The following KIAA0319L variants were observed in gnomAD, a reference collection of about 807,000 sequenced individuals.
The protein encoded by KIAA0319L is KIAA0319 like.
A neutral mutation model predicts 120.1 loss-of-function variants in KIAA0319L; 55 were observed. The ratio of observed to expected loss-of-function variants is 0.46; its 90% confidence interval spans 0.37 to 0.57. The LOEUF is 0.57. KIAA0319L is among the 20% of genes least tolerant of loss of function. The pLI, the probability that KIAA0319L is intolerant of heterozygous loss-of-function variation, is 0.00. For missense variants in KIAA0319L, 1,049 were observed against 1,255.3 expected (o/e 0.84, Z 2.48); for synonymous variants, 398 against 471.9 (o/e 0.84, Z 2.03).
chr1:35,441,496 G>A (rs932366167), intron 19 of KIAA0319L, among the ~76,000 whole-genome samples: 7 of 152,030 alleles, frequency 4.6e-5, no homozygotes, highest in African/African-American at 1.7e-4. Flanking sequence ...TCTTAGACTG[G>A]TGGGAATTTT....
At chr1:35,463,261 C>T (rs1254583956) in intron 7 of KIAA0319L, among the ~76,000 whole-genome samples, 4 of 152,212 alleles carry the variant, frequency 2.6e-5, no homozygotes, top group South Asian at 2.1e-4. Flanking sequence ...ATAAAAGCCT[C>T]TTCCAAATCT....
intron 7 of KIAA0319L, among the ~76,000 whole-genome samples, chr1:35,464,963 G>A (rs911032485): frequency 6.6e-6 from 1 of 152,204 alleles, no homozygotes; most frequent in Non-Finnish European, 1.5e-5. Flanking sequence ...TTGAGGTTTG[G>A]GAACTTCCGC....
chr1:35,455,974 T>A, intron 10 of KIAA0319L, 39 bp downstream of exon 10: 3 of 1,496,120 alleles, frequency 2.0e-6, no homozygotes, highest in Non-Finnish European at 2.8e-6. Context: ...CAGCTCTACT[T>A]CTCTTGGGCA....
intron 9 of KIAA0319L, among the ~76,000 whole-genome samples, chr1:35,458,071 G>A (rs1642614023): frequency 6.6e-6 from 1 of 152,046 alleles, no homozygotes; most frequent in Admixed American, 6.5e-5. Context: ...GAGTAGCTGG[G>A]ACTACAGCTA....
intron 3 of KIAA0319L, among the ~76,000 whole-genome samples, chr1:35,503,148 C>G (rs1645070646): frequency 6.6e-6 from 1 of 152,198 alleles, no homozygotes; most frequent in Admixed American, 6.5e-5. Context: ...CCATCTACCT[C>G]TACCTCTGTT....
chr1:35,541,119 T>C (rs1646770661), intron 2 of KIAA0319L, among the ~76,000 whole-genome samples: 1 of 151,908 alleles, frequency 6.6e-6, no homozygotes, highest in Non-Finnish European at 1.5e-5. Context: ...CTTTTTATTA[T>C]TTTTTTGTTA....
chr1:35,462,710 G>A lies in KIAA0319L; in HGVS notation c.1205C>T (p.Pro402Leu). The A allele has an allele frequency of 6.2e-7, 1 of 1,613,466 alleles. No individual in the cohort carries two copies. The highest frequency in any genetic ancestry group is 8.5e-7 in the Non-Finnish European group (1 of 1,179,428). ...GYVNVTVKPE[P>L]RKNRPPIAIV... The stretch of plus-strand genomic sequence containing the variant: ...AGCAATGGGGGGCCGATTCTTACGG[G>A]GCTCTGCAAGAAAGTGACCCAAAAG... Residue 402 changes from proline to leucine, a missense_variant, in exon 8 of 21, where the codon CCC becomes CTC. Physicochemically the swap from Pro to Leu is moderately conservative, Grantham distance 98. Coordinates refer to ENST00000325722, the MANE Select transcript of KIAA0319L (RefSeq NM_024874.5).
At chr1:35,489,656 TTTTG>T (rs1644517910) in intron 3 of KIAA0319L, among the ~76,000 whole-genome samples, 1 of 151,436 alleles carries the variant, frequency 6.6e-6, no homozygotes, top group Non-Finnish European at 1.5e-5. Flanking sequence ...GTATTCTTTG[TTTTG>T]TTTCTTTGGG....
chr1:35,546,266 T>C (rs1049479477), intron 2 of KIAA0319L, among the ~76,000 whole-genome samples: 4 of 152,096 alleles, frequency 2.6e-5, no homozygotes, highest in African/African-American at 9.7e-5. Flanking sequence ...GTGCTGTGCA[T>C]TGGCTAAGAG....
chr1:35,468,496 C>G (rs1206463531), intron 6 of KIAA0319L, among the ~76,000 whole-genome samples: 1 of 152,204 alleles, frequency 6.6e-6, no homozygotes, highest in Non-Finnish European at 1.5e-5. Context: ...CAGCTACTAA[C>G]AGGACAACTC....
chr1:35,544,216 A>C (rs1056177435), intron 2 of KIAA0319L, among the ~76,000 whole-genome samples: 9 of 152,150 alleles, frequency 5.9e-5, no homozygotes, highest in South Asian at 4.1e-4. Flanking sequence ...AAAAATACAA[A>C]AAATTAGGCG....
At position 35,450,589 on chromosome 1, in the gene KIAA0319L, T is replaced by G. The variant is rs150236458; in HGVS notation, c.2063-80A>C. ...TTCTTCATGATGCTTATGGGGAAAT[T>G]AAAACATCAAGAGTACCTTAACTGG... On this transcript the variant is annotated intron_variant, in intron 13 of 20. Transcript: ENST00000325722. 7.9e-5 allele frequency: 108 copies of G among 1,374,126 alleles called. 2 individuals are homozygous for G. The African/African-American group carries it at 1.5e-3, about 19-fold the overall frequency. The allele number at this position is 1,374,126 out of a possible 1,614,324, so 85.1% of individuals were successfully genotyped here.
At chr1:35,461,241 C>T (rs1272761802) in intron 8 of KIAA0319L, among the ~76,000 whole-genome samples, 2 of 151,996 alleles carry the variant, frequency 1.3e-5, no homozygotes, top group African/African-American at 4.8e-5. Context: ...CTGAGGTGGG[C>T]GGATCCCCTG....
Position 35,448,351 on chromosome 1 carries a change from A to G in KIAA0319L, c.2354-19T>C, listed in dbSNP as rs1243879174. Reference sequence around the variant, plus strand: ...CTGGGATCTGGAAAGCATGTGGATCAGTCATGGCTTTAGAAGTAGGAGAGT... The same window carrying G: ...CTGGGATCTGGAAAGCATGTGGATCGGTCATGGCTTTAGAAGTAGGAGAGT... On this transcript the variant is annotated intron_variant, in intron 15 of 20. Coordinates refer to ENST00000325722, the MANE Select transcript of KIAA0319L (RefSeq NM_024874.5). The G allele has an allele frequency of 6.2e-7, 1 of 1,609,808 alleles. No homozygotes were observed. Among genetic ancestry groups the G allele is most frequent in the Non-Finnish European group, 8.5e-7 (1 of 1,177,522 alleles).
At chr1:35,473,016 G>C (rs1460314079) in intron 5 of KIAA0319L, among the ~76,000 whole-genome samples, 1 of 147,988 alleles carries the variant, frequency 6.8e-6, no homozygotes, top group Non-Finnish European at 1.5e-5. Flanking sequence ...CCTGACCTCA[G>C]GTGATCTGCC....
intron 8 of KIAA0319L, among the ~76,000 whole-genome samples, chr1:35,461,256 C>CA (rs1208934253): frequency 2.0e-5 from 3 of 152,108 alleles, no homozygotes; most frequent in African/African-American, 7.2e-5. Context: ...CCCCTGAGGT[C>CA]AGGAGTTTGA....
Position 35,507,073 on chromosome 1 carries a change from C to T in KIAA0319L, c.205G>A (p.Gly69Arg). The T allele has an allele frequency of 6.4e-7, 1 of 1,566,952 alleles. No individual in the cohort carries two copies. Among genetic ancestry groups the T allele is most frequent in the Non-Finnish European group, 8.6e-7 (1 of 1,157,386 alleles). ...TQFGVGLRSG[G>R]ENHLWLLEGT... ...TCAAGAAGCCAGAGGTGATTTTCTC[C>T]CCCAGATCTCAGGCCAACTCCAAAT... Residue 69 changes from glycine (G) to arginine (R), a missense_variant, in exon 3 of 21, where the codon GGA becomes AGA. Gly to Arg is a moderately radical substitution (Grantham distance 125, BLOSUM62 -2). Transcript: ENST00000325722.
rs760322586 is a variant in KIAA0319L at position 35,479,170 on chromosome 1, G to A, written c.709C>T (p.Leu237=). 6.2e-7 allele frequency: 1 copy of A among 1,613,904 alleles called. No homozygotes were observed. The highest frequency in any genetic ancestry group is 8.5e-7 in the Non-Finnish European group (1 of 1,179,804). ...ITISSPLTTD[L]TAELSGGPKN... Reference sequence around the variant, plus strand: ...GGCCCACCAGACAGCTCTGCAGTCAGGTCTGTGGTTAGGGGACTGGAAATT... The same window carrying A: ...GGCCCACCAGACAGCTCTGCAGTCAAGTCTGTGGTTAGGGGACTGGAAATT... The change falls in exon 4 of 21, where the codon CTG becomes TTG. Residue 237 remains leucine, a synonymous_variant. Coordinates refer to ENST00000325722, the MANE Select transcript of KIAA0319L (RefSeq NM_024874.5).
chr1:35,496,413 C>A (rs1194379044), intron 3 of KIAA0319L, among the ~76,000 whole-genome samples: 2 of 152,014 alleles, frequency 1.3e-5, no homozygotes, highest in Admixed American at 1.3e-4. Flanking sequence ...CAGTGAGACT[C>A]CGTCTCAAAA....
Sources: gnomAD v4.1 joint callset for allele counts (sites outside exome capture counted in the v4.1 genomes callset) on GRCh38, gnomAD v4.1.1 for gene constraint, MANE v1.5 for transcripts, NCBI Gene and HGNC (gene_info 2026-07-23, HGNC 2026-07-21) for gene names.